MYLK3: variants seen among roughly 807,000 people sequenced by gnomAD.
The protein encoded by MYLK3 is MLC kinase.
A neutral mutation model predicts 76.3 loss-of-function variants in MYLK3; 55 were observed. The observed-to-expected ratio is 0.72, with a 90% confidence interval of 0.58 to 0.90. The LOEUF (loss-of-function observed/expected upper bound fraction) is 0.90, where lower values mean the gene tolerates loss of function less well. MYLK3 is among the 40% of genes least tolerant of loss of function. The pLI, the probability that MYLK3 is intolerant of heterozygous loss-of-function variation, is 0.00. For synonymous variants in MYLK3, 416 were observed against 425.4 expected, an observed-to-expected ratio of 0.98 and a Z score of 0.27; for missense variants, 973 against 1,053.6, an observed-to-expected ratio of 0.92 and a Z score of 1.06.
At chr16:46,758,168 C>T (rs923883680) in intron 1 of MYLK3, among the ~76,000 whole-genome samples, 1 of 151,574 alleles carries the variant, frequency 6.6e-6, no homozygotes, top group African/African-American at 2.4e-5. Context: ...AGGGACATGC[C>T]AGGGAGGGCT....
At chr16:46,740,536 C>CATACATATAT (rs1555471200) in intron 1 of MYLK3, among the ~76,000 whole-genome samples, 3 of 93,666 alleles carry the variant, frequency 3.2e-5, no homozygotes, top group Non-Finnish European at 2.1e-5. Flanking sequence ...TATATACATA[C>CATACATATAT]ATATATATAT....
chr16:46,727,222 AG>A lies in MYLK3; in HGVS notation c.1914+13del, dbSNP rs750037231. 9.1e-5 allele frequency: 147 copies of A among 1,610,932 alleles called. No homozygotes were observed. The highest frequency in any genetic ancestry group is 8.2e-4 in the Middle Eastern group (5 of 6,068). ...CACCAGGGGCCCCTACCGCATGCCCAGGGCAGAACCCACCTTGAGGTCCAGG... is the reference window on the plus strand; with the variant it reads ...CACCAGGGGCCCCTACCGCATGCCCAGGCAGAACCCACCTTGAGGTCCAGG... On this transcript the variant is annotated intron_variant, in intron 8 of 12. Transcript: ENST00000394809.
chr16:46,733,355 T>C (rs2143015226), intron 3 of MYLK3, among the ~76,000 whole-genome samples: 1 of 152,156 alleles, frequency 6.6e-6, no homozygotes, highest in Non-Finnish European at 1.5e-5. Flanking sequence ...AGACCCTGTC[T>C]CAAAAACTAA....
chr16:46,761,807 G>A (rs1354707713), intron 1 of MYLK3, among the ~76,000 whole-genome samples: 1 of 151,812 alleles, frequency 6.6e-6, no homozygotes, highest in Non-Finnish European at 1.5e-5. Flanking sequence ...AACAGAGCGA[G>A]ACTCCATTTC....
At chr16:46,719,520 C>T (rs1181678168) in intron 9 of MYLK3, among the ~76,000 whole-genome samples, 2 of 152,148 alleles carry the variant, frequency 1.3e-5, no homozygotes, top group African/African-American at 4.8e-5. Flanking sequence ...ACCCACACCA[C>T]TGGGCATGCA....
At chr16:46,708,495 C>A (rs943888658) in intron 12 of MYLK3, among the ~76,000 whole-genome samples, 1 of 151,714 alleles carries the variant, frequency 6.6e-6, no homozygotes, top group Non-Finnish European at 1.5e-5. Context: ...CCCTCTGTCA[C>A]CCAGGCTAGA....
At chr16:46,749,941 G>A (rs982583082), upstream of MYLK3, among the ~76,000 whole-genome samples, 2 of 152,132 alleles carry the variant, frequency 1.3e-5, no homozygotes, top group African/African-American at 2.4e-5. Context: ...TTGGTGGAAT[G>A]ACCCAGAACA....
intron 3 of MYLK3, 116 bp downstream of exon 3, chr16:46,737,595 C>A: frequency 9.8e-7 from 1 of 1,019,158 alleles, no homozygotes; most frequent in Non-Finnish European, 1.4e-6. Flanking sequence ...CCTCCCCATT[C>A]CCCTCGCAAG....
intron 1 of MYLK3, among the ~76,000 whole-genome samples, chr16:46,754,050 A>G (rs554564709): frequency 1.3e-5 from 2 of 152,338 alleles, no homozygotes; most frequent in South Asian, 4.1e-4. Flanking sequence ...TAAAAATATG[A>G]ATAGTAAAAT....
chr16:46,745,187 G>T (rs1000665375), intron 1 of MYLK3, among the ~76,000 whole-genome samples: 4 of 152,134 alleles, frequency 2.6e-5, no homozygotes, highest in African/African-American at 9.7e-5. Flanking sequence ...CCACTGCCAG[G>T]AGTGTAACAT....
At chr16:46,763,064 G>A in exon 1 of MYLK3, 2 of 985,338 alleles carry the variant, frequency 2.0e-6, no homozygotes, top group Non-Finnish European at 2.4e-6. Context: ...GGGTCCCAAG[G>A]GATCTGTCCA....
At chr16:46,720,750 G>A (rs904374298) in intron 9 of MYLK3, among the ~76,000 whole-genome samples, 2 of 152,152 alleles carry the variant, frequency 1.3e-5, no homozygotes, top group Non-Finnish European at 2.9e-5. Context: ...GGAGGGCAGG[G>A]ATGGTGACAG....
intron 7 of MYLK3, among the ~76,000 whole-genome samples, chr16:46,727,767 T>C (rs911994534): frequency 2.0e-5 from 3 of 152,208 alleles, no homozygotes; most frequent in Admixed American, 2.0e-4. Flanking sequence ...CCTCATGTGA[T>C]CCACCCACCT....
chr16:46,737,046 C>T (rs1258024728), intron 3 of MYLK3, among the ~76,000 whole-genome samples: 1 of 152,250 alleles, frequency 6.6e-6, no homozygotes, highest in Non-Finnish European at 1.5e-5. Context: ...ACTCCTCTCA[C>T]ATTCCTGAGG....
In MYLK3 at chr16:46,756,402, C is replaced by A. The variant is rs1416749761; in HGVS notation, c.-114+6638G>T. On this transcript the variant is annotated intron_variant, in intron 1 of 11. Transcript: ENST00000536476. Reference sequence around the variant, plus strand: ...TTATCTTACCGGCAACTCCATATATCATGCACAAAACAGAGAATGAAGAAA... The same window carrying A: ...TTATCTTACCGGCAACTCCATATATAATGCACAAAACAGAGAATGAAGAAA... 3.9e-5 allele frequency among the ~76,000 whole-genome samples: 6 copies of A among 152,294 alleles called. No homozygotes were observed. In the East Asian group the frequency reaches 1.2e-3, roughly 29 times the overall value.
intron 8 of MYLK3, among the ~76,000 whole-genome samples, chr16:46,721,917 C>T (rs564479887): frequency 7.9e-5 from 12 of 152,200 alleles, no homozygotes; most frequent in African/African-American, 1.7e-4. Context: ...GTCCCAGTGC[C>T]GAGGCCTCAA....
intron 9 of MYLK3, among the ~76,000 whole-genome samples, chr16:46,718,902 G>A (rs1302035323): frequency 6.6e-6 from 1 of 152,074 alleles, no homozygotes; most frequent in Non-Finnish European, 1.5e-5. Context: ...GGAGGCAGAG[G>A]TTGCAGTGAG....
rs768790625 is a variant in MYLK3 at position 46,712,658 on chromosome 16, T to A, written c.2104A>T (p.Thr702Ser). ...PTDMWSVGVI[T>S]YMLLSGLSPF... The stretch of plus-strand genomic sequence containing the variant: ...GTGCTAAGCACTCACAGCATGTAGG[T>A]GATGACTCCCACACTCCACATGTCT... The change falls in exon 10 of 13, where the codon ACC becomes TCC. Residue 702 changes from threonine to serine, a missense_variant. By Grantham distance (58) the Thr-to-Ser change is moderately conservative (BLOSUM62 1). Coordinates refer to ENST00000394809, the MANE Select transcript of MYLK3 (RefSeq NM_182493.3). 1 of 1,539,260 alleles carries A rather than the reference T, an allele frequency of 6.5e-7. No homozygotes were observed. Among genetic ancestry groups the A allele is most frequent in the East Asian group, 2.5e-5 (1 of 40,022 alleles).
At chr16:46,732,150 G>A (rs1200609868) in intron 4 of MYLK3, 58 bp downstream of exon 4, 1 of 1,414,542 alleles carries the variant, frequency 7.1e-7, no homozygotes, top group African/African-American at 1.4e-5. Context: ...CCAGGAGTAG[G>A]GGCTCCAAAC....
Sources: allele counts gnomAD v4.1 joint callset (sites outside exome capture counted in the v4.1 genomes callset), GRCh38; gene constraint gnomAD v4.1.1; transcripts MANE v1.5; gene names NCBI Gene and HGNC (gene_info 2026-07-23, HGNC 2026-07-21).